The following KCNMB3 variants were observed in gnomAD, a reference collection of about 807,000 sequenced individuals.
The protein encoded by KCNMB3 is calcium-activated potassium channel subunit beta-3.
A neutral mutation model predicts 11.9 loss-of-function variants in KCNMB3; 18 were observed. That is an observed-to-expected ratio of 1.51 (90% CI 1.04 to 2.23). The LOEUF (loss-of-function observed/expected upper bound fraction) is 2.23, where lower values mean the gene tolerates loss of function less well. Ranked by LOEUF, KCNMB3 falls within the 30% of genes most tolerant of loss-of-function variation. The pLI is 0.00. For synonymous variants in KCNMB3, 78 were observed against 119.2 expected (o/e 0.65, Z 2.25); for missense variants, 247 against 329.4 (o/e 0.75, Z 1.94).
intron 1 of KCNMB3, among the ~76,000 whole-genome samples, chr3:179,262,674 A>C (rs1308796849): frequency 2.6e-5 from 4 of 152,124 alleles, no homozygotes; most frequent in African/African-American, 4.8e-5. Context: ...TTTTACAGAG[A>C]GCTAATTGGC....
At chr3:179,251,713 C>T (rs1393381184), upstream of KCNMB3, 7 of 1,147,424 alleles carry the variant, frequency 6.1e-6, no homozygotes, top group African/African-American at 8.0e-5. Flanking sequence ...CCTTCTCTGT[C>T]GTTTTTTGTT....
chr3:179,246,988 G>C (rs974251125), intron 1 of KCNMB3, among the ~76,000 whole-genome samples: 3 of 152,170 alleles, frequency 2.0e-5, no homozygotes, highest in African/African-American at 4.8e-5. Context: ...TGAGGGATGA[G>C]AGGTTGAGGG....
At chr3:179,255,856 G>C (rs1319277794), upstream of KCNMB3, among the ~76,000 whole-genome samples, 1 of 152,172 alleles carries the variant, frequency 6.6e-6, no homozygotes, top group African/African-American at 2.4e-5. Context: ...ATTTGGCTGA[G>C]AGCTTACTTC....
intron 1 of KCNMB3, among the ~76,000 whole-genome samples, chr3:179,247,388 GA>G (rs1725678258): frequency 6.6e-6 from 1 of 151,122 alleles, no homozygotes; most frequent in Non-Finnish European, 1.5e-5. Context: ...TGAAAAAGAG[GA>G]AAAAAAGACA....
At chr3:179,242,712 A>AGAT, downstream of KCNMB3, 3 of 978,576 alleles carry the variant, frequency 3.1e-6, no homozygotes, top group Non-Finnish European at 4.1e-6. Flanking sequence ...GGATTAGAAA[A>AGAT]GATGGTGAAT....
At chr3:179,251,534 T>A, upstream of KCNMB3, 1 of 1,349,536 alleles carries the variant, frequency 7.4e-7, no homozygotes, top group Non-Finnish European at 9.4e-7. Context: ...TCTGCATAAG[T>A]GTCCCTTCAT....
chr3:179,251,755 C>G (rs1244426045), upstream of KCNMB3: 8 of 608,766 alleles, frequency 1.3e-5, no homozygotes, highest in South Asian at 5.2e-4. Context: ...TGAGACGGAA[C>G]CTCGCACTGT....
intron 1 of KCNMB3, 133 bp downstream of exon 1, chr3:179,250,610 T>C (rs1725802884): frequency 9.8e-6 from 9 of 920,466 alleles, no homozygotes; most frequent in East Asian, 9.7e-5. Flanking sequence ...GGAAGAGGAA[T>C]TGTATTTTTC....
chr3:179,251,265 A>G, upstream of KCNMB3: 1 of 1,466,386 alleles, frequency 6.8e-7, no homozygotes, highest in Non-Finnish European at 9.0e-7. Context: ...TCTTTCAGGG[A>G]TATTGCACGT....
chr3:179,244,216 T>G (rs1263067044), intron 2 of KCNMB3, among the ~76,000 whole-genome samples: 8 of 152,082 alleles, frequency 5.3e-5, no homozygotes, highest in Admixed American at 2.0e-4. Context: ...GAGTGGAATC[T>G]CCAAAAGAAA....
intron 1 of KCNMB3, among the ~76,000 whole-genome samples, chr3:179,248,829 T>C (rs1015888329): frequency 1.3e-5 from 2 of 151,924 alleles, no homozygotes; most frequent in Non-Finnish European, 2.9e-5. Flanking sequence ...TTATATGTAT[T>C]ATATACTGAA....
intron 1 of KCNMB3, among the ~76,000 whole-genome samples, chr3:179,250,057 AT>A (rs1351609977): frequency 2.0e-5 from 3 of 152,204 alleles, no homozygotes; most frequent in Non-Finnish European, 2.9e-5. Flanking sequence ...AAGAAAAAAA[AT>A]CATAAGGAAG....
chr3:179,261,078 G>A (rs1243415660), intron 1 of KCNMB3: 4 of 1,111,358 alleles, frequency 3.6e-6, no homozygotes, highest in South Asian at 2.5e-5. Flanking sequence ...AGCATGTTAC[G>A]AGACCCCTTC....
At chr3:179,243,488 A>G (rs1457002081) in intron 2 of KCNMB3, among the ~76,000 whole-genome samples, 1 of 152,114 alleles carries the variant, frequency 6.6e-6, no homozygotes, top group Non-Finnish European at 1.5e-5. Context: ...TTAAGCAAGG[A>G]TGTGGAAGAG....
intron 1 of KCNMB3, chr3:179,259,278 G>C (rs1474996188): frequency 6.5e-7 from 1 of 1,546,652 alleles, no homozygotes; most frequent in African/African-American, 1.4e-5. Context: ...GCAGTGATCT[G>C]CATCTTCGCT....
At chr3:179,262,604 T>G (rs1726255726) in intron 1 of KCNMB3, among the ~76,000 whole-genome samples, 2 of 152,220 alleles carry the variant, frequency 1.3e-5, no homozygotes, top group African/African-American at 4.8e-5. Flanking sequence ...TTTTATTCTC[T>G]TATCTGGCCC....
At chr3:179,260,894 T>C (rs1560161351) in intron 1 of KCNMB3, 2 of 1,150,386 alleles carry the variant, frequency 1.7e-6, no homozygotes, top group South Asian at 1.3e-5. Context: ...TGTGTTTTCA[T>C]TGTCTAACTG....
chr3:179,264,303 G>C (rs1726310515), intron 1 of KCNMB3, among the ~76,000 whole-genome samples: 1 of 151,644 alleles, frequency 6.6e-6, no homozygotes, highest in Non-Finnish European at 1.5e-5. Flanking sequence ...ATATTATTAG[G>C]TTGTTTCCAG....
At chr3:179,240,480 TA>T (rs1389778875), downstream of KCNMB3, 2 of 154,110 alleles carry the variant, frequency 1.3e-5, no homozygotes, top group Non-Finnish European at 2.9e-5. Context: ...GAAATGAAGT[TA>T]GGCTAGAAGC....
Sources: gnomAD v4.1 joint callset for allele counts (sites outside exome capture counted in the v4.1 genomes callset) on GRCh38, gnomAD v4.1.1 for gene constraint, MANE v1.5 for transcripts, NCBI Gene and HGNC (gene_info 2026-07-23, HGNC 2026-07-21) for gene names.